Variants in NRXN1 observed in about 807,000 individuals in gnomAD.
NRXN1 encodes the protein neurexin-1.
A neutral mutation model predicts 150.9 loss-of-function variants in NRXN1; 39 were observed. The observed-to-expected ratio is 0.26, with a 90% CI of 0.20 to 0.34. NRXN1 has a LOEUF of 0.34. Among genes scored for constraint, NRXN1 ranks in the 10% least tolerant of loss-of-function variants. NRXN1 has a pLI of 1.00. For missense variants in NRXN1, 1,815 were observed against 1,949.9 expected, an observed-to-expected ratio of 0.93 and a Z score of 1.30; for synonymous variants, 924 against 757.0, an observed-to-expected ratio of 1.22 and a Z score of -3.62.
chr2:50,843,226 A>G (rs1469769701), intron 5 of NRXN1, among the ~76,000 whole-genome samples: 1 of 152,192 alleles, frequency 6.6e-6, no homozygotes, highest in African/African-American at 2.4e-5. Flanking sequence ...TCCACAAGCC[A>G]TTATTCCACA....
intron 5 of NRXN1, chr2:50,656,386 C>A: frequency 2.6e-6 from 2 of 776,884 alleles, no homozygotes; most frequent in South Asian, 2.7e-5. Context: ...TTCCAGAAGT[C>A]ATGAAAGTGG....
intron 5 of NRXN1, among the ~76,000 whole-genome samples, chr2:50,865,056 G>C (rs943542454): frequency 5.9e-5 from 9 of 151,786 alleles, no homozygotes; most frequent in African/African-American, 1.7e-4. Flanking sequence ...AAGAGTGCGT[G>C]TGTGTGTATG....
At chr2:50,364,300 G>T (rs1489488505) in intron 17 of NRXN1, among the ~76,000 whole-genome samples, 1 of 152,044 alleles carries the variant, frequency 6.6e-6, no homozygotes, top group Non-Finnish European at 1.5e-5. Flanking sequence ...TTAATGGCCA[G>T]GGGAAAATCA....
At chr2:49,995,910 G>GTA (rs1467824947) in intron 21 of NRXN1, among the ~76,000 whole-genome samples, 4 of 141,734 alleles carry the variant, frequency 2.8e-5, no homozygotes, top group Non-Finnish European at 4.6e-5. Flanking sequence ...GAGCCTAAGT[G>GTA]TATGCCCCTT....
rs34466037 is a variant in NRXN1, at chr2:50,015,516, CAAAAAAAAAAA to C, written c.4128+37744_4128+37754del. Among the ~76,000 whole-genome samples the C allele has an allele frequency of 3.8e-4, 12 of 31,324 alleles. No homozygotes were observed. In the East Asian group the frequency reaches 5.5e-3, roughly 14 times the overall value. 20.5% of individuals were successfully genotyped at this position (31,324 alleles called of 152,430 possible). ...TAGAAAAATAAACAGGGATTTCTGCCAAAAAAAAAAAAAAAAAAAAAAAAAAAAGACCTGGG... is the reference window on the plus strand; with the variant it reads ...TAGAAAAATAAACAGGGATTTCTGCCAAAAAAAAAAAAAAAAAGACCTGGG... On this transcript the variant is annotated intron_variant, in intron 21 of 22. Coordinates refer to ENST00000401669, the MANE Select transcript of NRXN1 (RefSeq NM_001330078.2).
At position 50,072,450 on chromosome 2, in the gene NRXN1, A is replaced by G. The variant is rs192647980; in HGVS notation, c.3719-17406T>C. On this transcript the variant is annotated intron_variant, in intron 19 of 22. Transcript: ENST00000401669. ...AAGATACACTGTGTCCACTTCAAAAACTCTAAAATTCTAAGTACCAAAGGA... is the reference window on the plus strand; with the variant it reads ...AAGATACACTGTGTCCACTTCAAAAGCTCTAAAATTCTAAGTACCAAAGGA... Among the ~76,000 whole-genome samples the G allele has an allele frequency of 2.6e-5, 4 of 151,990 alleles. No individual in the cohort carries two copies. The East Asian group carries it at 7.8e-4, about 30-fold the overall frequency.
intron 19 of NRXN1, among the ~76,000 whole-genome samples, chr2:50,059,686 T>C (rs1421625277): frequency 6.6e-6 from 1 of 152,078 alleles, no homozygotes; most frequent in East Asian, 1.9e-4. Context: ...CCCTGGGTCT[T>C]GCTGTTTGTG....
intron 17 of NRXN1, among the ~76,000 whole-genome samples, chr2:50,306,175 G>A (rs2074593265): frequency 6.6e-6 from 1 of 152,170 alleles, no homozygotes; most frequent in Non-Finnish European, 1.5e-5. Flanking sequence ...TTAAGTAACT[G>A]AAAATGGGAC....
chr2:50,066,192 T>C (rs1695332533), intron 19 of NRXN1, among the ~76,000 whole-genome samples: 1 of 152,192 alleles, frequency 6.6e-6, no homozygotes, highest in African/African-American at 2.4e-5. Flanking sequence ...ATAAAGTCAA[T>C]ATATAAGCAG....
At chr2:50,274,845 T>C (rs1182263022) in intron 17 of NRXN1, among the ~76,000 whole-genome samples, 3 of 152,194 alleles carry the variant, frequency 2.0e-5, no homozygotes, top group East Asian at 1.9e-4. Context: ...TCTCGAAGCC[T>C]ACAATCTGTA....
chr2:49,963,504 T>A (rs1332651909), intron 21 of NRXN1, among the ~76,000 whole-genome samples: 1 of 152,176 alleles, frequency 6.6e-6, no homozygotes, highest in African/African-American at 2.4e-5. Context: ...ATTTTACAAG[T>A]GACATCTATG....
At chr2:50,139,601 AAAAACAAAAC>A (rs532913936) in intron 18 of NRXN1, among the ~76,000 whole-genome samples, 3 of 152,212 alleles carry the variant, frequency 2.0e-5, no homozygotes, top group South Asian at 2.1e-4. Context: ...AAAGAGAGGA[AAAAACAAAAC>A]AAAACAAAAC....
rs914893579 is a variant in NRXN1, at chr2:50,078,228, T to C, written c.3718+13095A>G. On this transcript the variant is annotated intron_variant, in intron 19 of 22. Transcript: ENST00000401669. ...TAAATCTACTTTTCCAATAAACACA[T>C]GAACATGTCAAAATTTTTTTTAACA... is the stretch of plus-strand genomic sequence containing the variant. 3.9e-5 allele frequency among the ~76,000 whole-genome samples: 6 copies of C among 152,178 alleles called. No homozygotes were observed. In the South Asian group the frequency reaches 1.2e-3, roughly 32 times the overall value.
intron 5 of NRXN1, among the ~76,000 whole-genome samples, chr2:50,717,618 T>A (rs1387984267): frequency 2.0e-5 from 3 of 152,210 alleles, no homozygotes; most frequent in Non-Finnish European, 4.4e-5. Context: ...CTTACAATTA[T>A]AGTTTTAATC....
intron 17 of NRXN1, among the ~76,000 whole-genome samples, chr2:50,312,328 T>G (rs1006209623): frequency 6.6e-6 from 1 of 151,960 alleles, no homozygotes; most frequent in African/African-American, 2.4e-5. Context: ...TGGAGGACAG[T>G]CATAGTATGC....
Position 50,347,658 on chromosome 2 carries a change from AG to A in NRXN1, c.3365-110689del. On this transcript the variant is annotated intron_variant, in intron 17 of 22. Transcript: ENST00000401669. The surrounding 1 kb of genome is among the most constrained non-coding windows in gnomAD (Gnocchi z 4.9). Reference sequence around the variant, plus strand: ...CAGAGGGAAGAGTGCGCCCTTCTGAAGGAAGTGGGAATCGAACGGCGGAAAG... The same window carrying A: ...CAGAGGGAAGAGTGCGCCCTTCTGAAGAAGTGGGAATCGAACGGCGGAAAG... The A allele has an allele frequency of 1.0e-6, 1 of 987,532 alleles. No homozygotes were observed. Among genetic ancestry groups the A allele is most frequent in the Admixed American group, 6.1e-5 (1 of 16,524 alleles). 61.2% of individuals were successfully genotyped at this position (987,532 alleles called of 1,614,324 possible).
At chr2:50,709,154 G>C (rs371885075) in intron 5 of NRXN1, among the ~76,000 whole-genome samples, 1 of 152,112 alleles carries the variant, frequency 6.6e-6, no homozygotes, top group Non-Finnish European at 1.5e-5. Flanking sequence ...AACCACATGA[G>C]CTTACTTGTT....
At chr2:50,339,126 G>A (rs2077381330) in intron 17 of NRXN1, among the ~76,000 whole-genome samples, 1 of 152,116 alleles carries the variant, frequency 6.6e-6, no homozygotes, top group Admixed American at 6.5e-5. Context: ...GATTATCATG[G>A]CATCATGGCA....
intron 17 of NRXN1, among the ~76,000 whole-genome samples, chr2:50,399,174 G>A (rs1481706571): frequency 3.3e-5 from 5 of 151,962 alleles, no homozygotes; most frequent in South Asian, 2.1e-4. Flanking sequence ...TTTAAGAGAC[G>A]AATTCAAGAA....
Sources: allele counts gnomAD v4.1 joint callset (sites outside exome capture counted in the v4.1 genomes callset), GRCh38; gene constraint gnomAD v4.1.1; non-coding constraint Gnocchi (gnomAD v3.1); transcripts MANE v1.5; gene names NCBI Gene and HGNC (gene_info 2026-07-23, HGNC 2026-07-21).